Variants in LTBP2 observed in about 807,000 individuals in gnomAD.
LTBP2 encodes latent transforming growth factor beta binding protein 2.
LTBP2 carries 103 observed loss-of-function variants against 210.6 expected under a neutral mutation model. The observed-to-expected ratio is 0.49, with a 90% CI of 0.42 to 0.58. The LOEUF (loss-of-function observed/expected upper bound fraction) is 0.58. Among genes scored for constraint, LTBP2 ranks in the 20% least tolerant of loss-of-function variants. The pLI, the probability that LTBP2 is intolerant of heterozygous loss-of-function variation, is 0.00. For missense variants in LTBP2, 2,313 were observed against 2,494.5 expected (o/e 0.93, Z 1.55); for synonymous variants, 1,007 against 1,015.0 (o/e 0.99, Z 0.15).
intron 2 of LTBP2, among the ~76,000 whole-genome samples, chr14:74,598,295 A>G (rs1341845515): frequency 6.6e-6 from 1 of 152,122 alleles, no homozygotes; most frequent in African/African-American, 2.4e-5. Flanking sequence ...TGAGATGGGG[A>G]CTTGGGGAAA....
intron 2 of LTBP2, among the ~76,000 whole-genome samples, chr14:74,601,363 T>C (rs1259858087): frequency 6.6e-6 from 1 of 152,096 alleles, no homozygotes; most frequent in Non-Finnish European, 1.5e-5. Flanking sequence ...CTAGCCAACA[T>C]GATAAAACCT....
chr14:74,549,687 C>A (rs1297739553), intron 8 of LTBP2, among the ~76,000 whole-genome samples, 176 bp downstream of exon 8: 1 of 152,198 alleles, frequency 6.6e-6, no homozygotes, highest in Non-Finnish European at 1.5e-5. Context: ...CAGAGGGCTG[C>A]CAGGAGCCTC....
chr14:74,514,113 T>C (rs862052), intron 18 of LTBP2, among the ~76,000 whole-genome samples: 96,879 of 152,158 alleles, frequency 0.64, 30,989 homozygotes, highest in East Asian at 0.74. Flanking sequence ...TACCAGCTAC[T>C]CTGAGGCTGT....
chr14:74,578,742 C>T (rs970620745), intron 3 of LTBP2, among the ~76,000 whole-genome samples: 1 of 152,222 alleles, frequency 6.6e-6, no homozygotes, highest in African/African-American at 2.4e-5. Context: ...CTCCCTGACC[C>T]CAACCCCTTT....
At chr14:74,541,816 GC>G (rs1328065174) in intron 8 of LTBP2, among the ~76,000 whole-genome samples, 4 of 152,138 alleles carry the variant, frequency 2.6e-5, no homozygotes, top group African/African-American at 9.7e-5. Context: ...CTGATCAGAT[GC>G]CTGGTAAGTG....
chr14:74,567,455 A>C (rs554576754), intron 3 of LTBP2, among the ~76,000 whole-genome samples: 2 of 152,090 alleles, frequency 1.3e-5, no homozygotes, highest in African/African-American at 4.8e-5. Context: ...GGGCCACCTC[A>C]GGGGCAGAGG....
chr14:74,503,233 G>A lies in LTBP2; in HGVS notation c.4874C>T (p.Pro1625Leu), dbSNP rs1332046628. Residue 1625 changes from proline (P) to leucine (L), a missense_variant, in exon 33 of 36, where the codon CCC (proline) becomes CTC (leucine). Transcript: ENST00000261978. ...EAWSQQCALC[P>L]PRSSEVYAQL... is the part of the protein sequence containing the mutation. The stretch of plus-strand genomic sequence containing the variant: ...CTCCCCCTCACCAGAGCTCCTCGGG[G>A]GACACAGAGCACACTGCTGGCTCCA... 3.1e-6 allele frequency: 5 copies of A among 1,614,020 alleles called. No individual in the cohort carries two copies. Among genetic ancestry groups the A allele is most frequent in the Non-Finnish European group, 4.2e-6 (5 of 1,180,046 alleles).
rs1005599036 is a variant in LTBP2, at chr14:74,608,076, G to A, written c.494+3375C>T. 1.7e-4 allele frequency among the ~76,000 whole-genome samples: 25 copies of A among 151,430 alleles called. No homozygotes were observed. The East Asian group carries it at 4.5e-3, about 27-fold the overall frequency. The stretch of plus-strand genomic sequence containing the variant: ...GCTGGGACTACAGGCGCCCGCCACC[G>A]CGCCCGGCTAATTTTTTGTATTTTT... On this transcript the variant is annotated intron_variant, in intron 1 of 35. Transcript: ENST00000261978.
chr14:74,581,720 G>A (rs1035182575), intron 3 of LTBP2, among the ~76,000 whole-genome samples: 3 of 152,166 alleles, frequency 2.0e-5, no homozygotes, highest in African/African-American at 4.8e-5. Context: ...GGTGAGACCC[G>A]TTTCAGATGT....
At chr14:74,512,984 T>C (rs2087091015) in intron 18 of LTBP2, among the ~76,000 whole-genome samples, 1 of 152,246 alleles carries the variant, frequency 6.6e-6, no homozygotes, top group African/African-American at 2.4e-5. Context: ...CAGCAATCCC[T>C]GTTTCAGGGA....
chr14:74,540,536 C>A (rs554861676), intron 8 of LTBP2, among the ~76,000 whole-genome samples: 1 of 150,632 alleles, frequency 6.6e-6, no homozygotes, highest in African/African-American at 2.4e-5. Context: ...GAGGCCGAGG[C>A]GGGCGGATCA....
rs2088612180 is a variant in LTBP2, at chr14:74,611,656, T to C, written c.289A>G (p.Arg97Gly). The change falls in exon 1 of 36, where the codon AGG becomes GGG. Residue 97 changes from arginine to glycine, a missense_variant. Physicochemically the swap from Arg to Gly is moderately radical, Grantham distance 125. Around this residue, in one of 3 missense-constraint regions of LTBP2, gnomAD observed 1,867 missense variants for 1,976.9 expected, o/e 0.94. Transcript: ENST00000261978. ...RAQPGWGSPR[R>G]PTEAEARRPS... ...CTCCTGGCCTCCGCCTCGGTGGGCC[T>C]CCTGGGGCTCCCCCAGCCCGGCTGG... 1 of 1,557,374 alleles carries C rather than the reference T, an allele frequency of 6.4e-7. No homozygotes were observed. Among genetic ancestry groups the C allele is most frequent in the Non-Finnish European group, 8.6e-7 (1 of 1,157,450 alleles).
chr14:74,603,830 G>A, intron 1 of LTBP2, 125 bp from the exon 2 acceptor site: 1 of 779,628 alleles, frequency 1.3e-6, no homozygotes, highest in Non-Finnish European at 2.3e-6. Context: ...TGGGAAGGCT[G>A]TCCCTATTCT....
Position 74,503,352 on chromosome 14 carries a change from G to T in LTBP2, c.4755C>A (p.Ile1585=), listed in dbSNP as rs1392871403. The change falls in exon 33 of 36, where the codon ATC becomes ATA. Residue 1585 remains isoleucine (I), a synonymous_variant. Transcript: ENST00000261978. ...DLPDHDIHMD[I]CWKKVTNDVC... ...CATCATTGGTGACTTTTTTCCAGCA[G>T]ATGTCCATGTGGATGTCGTGGTCAG... 2 of 1,613,512 alleles carry T rather than the reference G, an allele frequency of 1.2e-6. No individual in the cohort carries two copies. The highest frequency in any genetic ancestry group is 1.3e-5 in the African/African-American group (1 of 74,942).
At chr14:74,528,786 G>A (rs1324999070) in intron 11 of LTBP2, 88 bp from the exon 12 acceptor site, 52 of 1,533,192 alleles carry the variant, frequency 3.4e-5, no homozygotes, top group African/African-American at 2.3e-4. Context: ...TGGGAGACAC[G>A]GCAATTGTGG....
chr14:74,611,443 A>G lies in LTBP2; in HGVS notation c.494+8T>C, dbSNP rs753307185. ...TGTACCCTCCAAACTTCCCTCTCCC[A>G]TGCTCACCCCGTGAGCCGCCCTCGC... On this transcript the variant is annotated splice_region_variant and intron_variant, in intron 1 of 35. Transcript: ENST00000261978. 2.0e-6 allele frequency: 3 copies of G among 1,483,270 alleles called. No homozygotes were observed. Among genetic ancestry groups the G allele is most frequent in the Non-Finnish European group, 2.7e-6 (3 of 1,128,772 alleles). The allele number at this position is 1,483,270 out of a possible 1,614,324, so 91.9% of individuals were successfully genotyped here.
rs2139715439 is a variant in LTBP2 at position 74,526,086 on chromosome 14, G to A, written c.2417C>T (p.Ala806Val). ...GAAGAGGGACTCACCTGTGACCCAG[G>A]CAGGTGCATGAGTGACACTGGTCGT... is the stretch of plus-strand genomic sequence containing the variant. ...QVTTSVTHAP[A>V]WVTGNATTPP... The change falls in exon 14 of 36, where the codon GCC (alanine) becomes GTC (valine). Residue 806 changes from alanine (A) to valine (V), a missense_variant. Around this residue, in one of 3 missense-constraint regions of LTBP2, gnomAD observed 1,867 missense variants for 1,976.9 expected, o/e 0.94. Coordinates refer to ENST00000261978, the MANE Select transcript of LTBP2 (RefSeq NM_000428.3). The A allele has an allele frequency of 6.2e-7, 1 of 1,605,824 alleles. No homozygotes were observed. Among genetic ancestry groups the A allele is most frequent in the African/African-American group, 1.3e-5 (1 of 74,874 alleles).
At chr14:74,525,325 A>G (rs770291757) in intron 14 of LTBP2, 100 bp from the exon 15 acceptor site, 5 of 552,050 alleles carry the variant, frequency 9.1e-6, no homozygotes, top group Non-Finnish European at 1.5e-5. Flanking sequence ...CGAAGGGTGA[A>G]GCCTGGGGTG....
intron 12 of LTBP2, 122 bp from the exon 13 acceptor site, chr14:74,527,488 C>T: frequency 9.2e-7 from 1 of 1,084,922 alleles, no homozygotes; most frequent in South Asian, 1.4e-5. Flanking sequence ...GGGCCAGCAG[C>T]ACAGAAAGCG....
Sources: gnomAD v4.1 joint callset for allele counts (sites outside exome capture counted in the v4.1 genomes callset) on GRCh38, gnomAD v4.1.1 for gene constraint, gnomAD v4.1.1 regional missense constraint, MANE v1.5 for transcripts, NCBI Gene and HGNC (gene_info 2026-07-23, HGNC 2026-07-21) for gene names.